GRM7: variants seen among roughly 807,000 people sequenced by gnomAD.
GRM7 encodes the protein metabotropic glutamate receptor 7.
A neutral mutation model predicts 84.5 loss-of-function variants in GRM7; 35 were observed. The observed-to-expected ratio is 0.41, with a 90% CI of 0.32 to 0.55. The LOEUF (loss-of-function observed/expected upper bound fraction) is 0.55, where lower values mean the gene tolerates loss of function less well. GRM7 is among the 20% of genes least tolerant of loss of function. GRM7 has a pLI of 0.19. For synonymous variants in GRM7, 487 were observed against 455.1 expected, an observed-to-expected ratio of 1.07 and a Z score of -0.89; for missense variants, 1,003 against 1,194.6, an observed-to-expected ratio of 0.84 and a Z score of 2.36.
intron 4 of GRM7, among the ~76,000 whole-genome samples, chr3:7,392,438 G>C (rs771031813): frequency 6.6e-6 from 1 of 152,142 alleles, no homozygotes; most frequent in Admixed American, 6.5e-5. Context: ...TTCAATGTCT[G>C]ATCTAAGACT....
chr3:7,481,354 A>T (rs1453876161), intron 7 of GRM7, among the ~76,000 whole-genome samples: 1 of 152,154 alleles, frequency 6.6e-6, no homozygotes, highest in Non-Finnish European at 1.5e-5. Flanking sequence ...CGGCCTCCCA[A>T]AGTGCTGGGA....
At chr3:6,870,989 A>C (rs1387235761) in intron 1 of GRM7, among the ~76,000 whole-genome samples, 3 of 152,212 alleles carry the variant, frequency 2.0e-5, no homozygotes, top group African/African-American at 7.2e-5. Flanking sequence ...AATTATCCGA[A>C]AGCGTTATTT....
chr3:6,895,873 A>G (rs1406178946), intron 1 of GRM7, among the ~76,000 whole-genome samples: 2 of 152,118 alleles, frequency 1.3e-5, no homozygotes, highest in Non-Finnish European at 2.9e-5. Flanking sequence ...CCCATTGAGT[A>G]AAAATATATA....
In GRM7 at chr3:6,863,070, C is replaced by A; in HGVS notation, c.519+1163C>A. 1 of 450,308 alleles carries A rather than the reference C, an allele frequency of 2.2e-6. No individual in the cohort carries two copies. The highest frequency in any genetic ancestry group is 4.5e-6 in the Non-Finnish European group (1 of 224,656). 27.9% of individuals were successfully genotyped at this position (450,308 alleles called of 1,614,324 possible). On this transcript the variant is annotated intron_variant, in intron 1 of 9. Coordinates refer to ENST00000357716, the MANE Select transcript of GRM7 (RefSeq NM_000844.4). This position sits in a 1 kb window ranked among gnomAD's most constrained non-coding sequence, Gnocchi z 4.8. ...TCTCTGTGATTGTAGGTTCCCTCCTCTGTGTCTTTCCCTATATGTGCATCA... is the reference window on the plus strand; with the variant it reads ...TCTCTGTGATTGTAGGTTCCCTCCTATGTGTCTTTCCCTATATGTGCATCA...
intron 1 of GRM7, among the ~76,000 whole-genome samples, chr3:6,879,094 A>T (rs1187595289): frequency 6.6e-6 from 1 of 152,204 alleles, no homozygotes; most frequent in Non-Finnish European, 1.5e-5. Context: ...GAACCAAGCA[A>T]GATTATAAGA....
chr3:7,659,533 T>C (rs1699345144), intron 8 of GRM7, among the ~76,000 whole-genome samples: 2 of 152,180 alleles, frequency 1.3e-5, no homozygotes, highest in Admixed American at 1.3e-4. Flanking sequence ...ATTCTCCTCA[T>C]AGGTTATAAA....
At chr3:7,654,511 A>G (rs1442639541) in intron 8 of GRM7, among the ~76,000 whole-genome samples, 1 of 152,176 alleles carries the variant, frequency 6.6e-6, no homozygotes, top group Non-Finnish European at 1.5e-5. Context: ...ATTTGTTACT[A>G]CTGCTGCACT....
At chr3:7,209,620 C>G (rs571134613) in intron 2 of GRM7, among the ~76,000 whole-genome samples, 1 of 152,132 alleles carries the variant, frequency 6.6e-6, no homozygotes, top group East Asian at 1.9e-4. Flanking sequence ...GTGGAATGTA[C>G]GAGAAACACG....
At chr3:6,970,751 G>T (rs542873384) in intron 1 of GRM7, among the ~76,000 whole-genome samples, 1 of 152,112 alleles carries the variant, frequency 6.6e-6, no homozygotes, top group East Asian at 1.9e-4. Flanking sequence ...AGGCCGAGGC[G>T]GGCGGATCAC....
intron 1 of GRM7, among the ~76,000 whole-genome samples, chr3:7,047,127 C>A (rs965671555): frequency 2.0e-5 from 3 of 151,748 alleles, no homozygotes; most frequent in Non-Finnish European, 4.4e-5. Context: ...ATCTGCCCCA[C>A]TACCTGTTTT....
At chr3:7,615,609 T>A (rs924202962) in intron 8 of GRM7, among the ~76,000 whole-genome samples, 2 of 152,172 alleles carry the variant, frequency 1.3e-5, no homozygotes. Context: ...CTGGTTTTTA[T>A]GAGGGTGGGT....
At chr3:7,070,312 G>C (rs1283054415) in intron 1 of GRM7, among the ~76,000 whole-genome samples, 2 of 151,974 alleles carry the variant, frequency 1.3e-5, no homozygotes, top group Non-Finnish European at 2.9e-5. Flanking sequence ...AATTTTCCAG[G>C]TAGCTGAGGA....
chr3:7,645,437 C>CT, intron 8 of GRM7, among the ~76,000 whole-genome samples: 1 of 150,946 alleles, frequency 6.6e-6, no homozygotes, highest in South Asian at 2.1e-4. Context: ...ATCCCAGCTA[C>CT]TCGGGAGGCT....
chr3:7,132,394 A>T (rs1020685113), intron 1 of GRM7, among the ~76,000 whole-genome samples: 82 of 152,212 alleles, frequency 5.4e-4, no homozygotes, highest in Non-Finnish European at 1.5e-4. Flanking sequence ...GGCCTACCTC[A>T]TTAATTACTA....
chr3:7,671,244 T>C (rs868133755), intron 8 of GRM7, among the ~76,000 whole-genome samples: 2 of 152,146 alleles, frequency 1.3e-5, no homozygotes, highest in Non-Finnish European at 2.9e-5. Flanking sequence ...CCTGGAAGAC[T>C]TGGCCACCAA....
intron 2 of GRM7, among the ~76,000 whole-genome samples, chr3:7,162,333 A>G (rs907286094): frequency 2.6e-5 from 4 of 152,178 alleles, no homozygotes; most frequent in African/African-American, 4.8e-5. Flanking sequence ...TTGGTGATCT[A>G]GTAAGATGAA....
chr3:7,300,338 A>G (rs771714195), intron 3 of GRM7, among the ~76,000 whole-genome samples: 41 of 152,154 alleles, frequency 2.7e-4, no homozygotes, highest in Non-Finnish European at 4.6e-4. Context: ...GAATCCATCC[A>G]TCTCCTAGTA....
At chr3:7,469,589 T>C (rs531728706) in intron 7 of GRM7, among the ~76,000 whole-genome samples, 4 of 152,244 alleles carry the variant, frequency 2.6e-5, no homozygotes, top group African/African-American at 7.2e-5. Context: ...TTCTCTACAC[T>C]TTAATGCTAC....
intron 8 of GRM7, among the ~76,000 whole-genome samples, chr3:7,630,334 A>T (rs904083624): frequency 1.3e-5 from 2 of 152,190 alleles, no homozygotes; most frequent in African/African-American, 4.8e-5. Flanking sequence ...AAGCATGACG[A>T]AAGAATCATC....
Sources: gnomAD v4.1 joint callset for allele counts (sites outside exome capture counted in the v4.1 genomes callset) on GRCh38, gnomAD v4.1.1 for gene constraint, Gnocchi (gnomAD v3.1) non-coding constraint, MANE v1.5 for transcripts, NCBI Gene and HGNC (gene_info 2026-07-23, HGNC 2026-07-21) for gene names.